The following SORL1 variants were observed in gnomAD, a reference collection of about 807,000 sequenced individuals.
SORL1 encodes sortilin related receptor 1.
In SORL1, 127 loss-of-function variants were observed where a neutral mutation model predicts 273.7. The observed-to-expected ratio is 0.46, with a 90% CI of 0.40 to 0.54. The LOEUF is 0.54. SORL1 is among the 20% of genes least tolerant of loss of function. The probability of loss-of-function intolerance (pLI) is 0.00; values close to 1 mark genes in which losing one functional copy is unlikely to be tolerated. For synonymous variants in SORL1, 1,031 were observed against 1,067.4 expected (o/e 0.97, Z 0.66); for missense variants, 2,494 against 2,846.1 (o/e 0.88, Z 2.81).
intron 23 of SORL1, among the ~76,000 whole-genome samples, chr11:121,570,536 A>G (rs1254271387): frequency 6.6e-6 from 1 of 152,246 alleles, no homozygotes; most frequent in Non-Finnish European, 1.5e-5. Flanking sequence ...TAAACGTCAC[A>G]TGGCTGAAAC....
At chr11:121,460,893 C>T (rs952296874) in intron 1 of SORL1, among the ~76,000 whole-genome samples, 6 of 152,100 alleles carry the variant, frequency 3.9e-5, no homozygotes, top group African/African-American at 1.4e-4. Context: ...CCCCATTTCT[C>T]TATTAGCCCA....
intron 6 of SORL1, 81 bp from the exon 7 acceptor site, chr11:121,512,922 A>T (rs896253991): frequency 1.1e-6 from 1 of 931,032 alleles, no homozygotes; most frequent in Non-Finnish European, 1.7e-6. Flanking sequence ...GAAGAATCTG[A>T]CTCTTCTATT....
Position 121,550,621 on chromosome 11 carries a change from A to T in SORL1, c.2217A>T (p.Gly739=). The part of the protein sequence containing the change: ...RKISGDTCSG[G]DVEARLEGEL... ...TTTCTGGGGACACTTGTAGCGGAGG[A>T]GATGTTGAAGCGCGACTGGAAGGAG... Residue 739 remains glycine, a synonymous_variant, in exon 16 of 48, where the codon GGA becomes GGT. Transcript: ENST00000260197. The surrounding 1 kb of genome is among the most constrained non-coding windows in gnomAD (Gnocchi z 5.3). 1 of 1,614,064 alleles carries T rather than the reference A, an allele frequency of 6.2e-7. No homozygotes were observed. The highest frequency in any genetic ancestry group is 8.5e-7 in the Non-Finnish European group (1 of 1,179,988).
chr11:121,621,246 GGA>G lies in SORL1; in HGVS notation c.6064+14_6064+15del, dbSNP rs774271995. On this transcript the variant is annotated intron_variant, in intron 44 of 47. Transcript: ENST00000260197. Reference sequence around the variant, plus strand: ...GCATAAAAATTACCACAGGTAAGCAGGAGAGAGGTTAGAGGTCTTCTCACACA... The same window carrying G: ...GCATAAAAATTACCACAGGTAAGCAGGAGAGGTTAGAGGTCTTCTCACACA... 6.2e-6 allele frequency: 10 copies of G among 1,613,016 alleles called. No individual in the cohort carries two copies. The African/African-American group carries it at 1.2e-4, about 19-fold the overall frequency.
chr11:121,471,786 G>T (rs1017974981), intron 2 of SORL1, among the ~76,000 whole-genome samples: 5 of 152,182 alleles, frequency 3.3e-5, no homozygotes, highest in Non-Finnish European at 7.3e-5. Flanking sequence ...AGACAGAAGG[G>T]CTGGCTGTCA....
chr11:121,610,901 C>A (rs969603849), intron 38 of SORL1, 175 bp from the exon 39 acceptor site: 3 of 567,786 alleles, frequency 5.3e-6, no homozygotes, highest in African/African-American at 1.9e-5. Context: ...TGTGGACCAA[C>A]CTTAGCTTCA....
In SORL1 at chr11:121,608,110, G is replaced by A; in HGVS notation, c.5173G>A (p.Ala1725Thr). Reference protein sequence around the residue: ...VNTLYTVRVAAVTSRGIGNWS... With the variant: ...VNTLYTVRVATVTSRGIGNWS... ...CACCCTCTGATTTGAAAAGGTGGCTGCGGTGACTAGTCGTGGAATAGGAAA... is the reference window on the plus strand; with the variant it reads ...CACCCTCTGATTTGAAAAGGTGGCTACGGTGACTAGTCGTGGAATAGGAAA... The change falls in exon 38 of 48, where the codon GCG (alanine) becomes ACG (threonine). Residue 1725 changes from alanine to threonine, a missense_variant. Ala to Thr is a moderately conservative substitution (Grantham distance 58). Around this residue, in one of 3 missense-constraint regions of SORL1, gnomAD observed 1,609 missense variants for 1,816.4 expected, o/e 0.89. Transcript: ENST00000260197. 1 of 1,613,688 alleles carries A rather than the reference G, an allele frequency of 6.2e-7. No individual in the cohort carries two copies. Among genetic ancestry groups the A allele is most frequent in the Admixed American group, 1.7e-5 (1 of 60,032 alleles).
rs535522154 is a variant in SORL1 at position 121,590,129 on chromosome 11, A to G, written c.4168A>G (p.Arg1390Gly). ...HCIPNRWKCDRENDCGDWSDE... is the reference protein window; with the variant it reads ...HCIPNRWKCDGENDCGDWSDE... ...CATCCCCAACAGATGGAAATGTGACAGGGAGAACGACTGTGGGGACTGGTC... is the reference window on the plus strand; with the variant it reads ...CATCCCCAACAGATGGAAATGTGACGGGGAGAACGACTGTGGGGACTGGTC... Residue 1390 changes from arginine (R) to glycine (G), a missense_variant, in exon 30 of 48, where the codon AGG becomes GGG. Physicochemically the swap from Arg to Gly is moderately radical, Grantham distance 125. Transcript: ENST00000260197. 81 of 1,614,048 alleles carry G rather than the reference A, an allele frequency of 5.0e-5. No homozygotes were observed. Among genetic ancestry groups the G allele is most frequent in the Non-Finnish European group, 6.8e-5 (80 of 1,180,004 alleles).
rs113564115 is a variant in SORL1, at chr11:121,538,919, C to T, written c.1686-4629C>T. On this transcript the variant is annotated intron_variant, in intron 12 of 47. Coordinates refer to ENST00000260197, the MANE Select transcript of SORL1 (RefSeq NM_003105.6). ...GTCTCGATTTCTTGACCTTGTGACC[C>T]GCCCGCCTCAGCCTCCCAAAGTGCT... 4.7e-3 allele frequency among the ~76,000 whole-genome samples: 721 copies of T among 152,298 alleles called. 7 individuals carry two copies. Among genetic ancestry groups the T allele is most frequent in the African/African-American group, 0.016 (663 of 41,566 alleles).
intron 27 of SORL1, among the ~76,000 whole-genome samples, chr11:121,587,069 A>G (rs1233799977): frequency 6.6e-6 from 1 of 152,216 alleles, no homozygotes; most frequent in Non-Finnish European, 1.5e-5. Flanking sequence ...TACATATTGT[A>G]TATGGCTGCT....
Position 121,550,545 on chromosome 11 carries a change from TC to T in SORL1, c.2181-38del. On this transcript the variant is annotated intron_variant, in intron 15 of 47. Coordinates refer to ENST00000260197, the MANE Select transcript of SORL1 (RefSeq NM_003105.6). The surrounding 1 kb of genome is among the most constrained non-coding windows in gnomAD (Gnocchi z 5.3). ...GCTGGGATGCCTTTGTGGCTATTCT[TC>T]CATGTTTCTGACCTCTTGCTCTTGG... 1.3e-6 allele frequency: 2 copies of T among 1,585,960 alleles called. No individual in the cohort carries two copies. The highest frequency in any genetic ancestry group is 1.7e-6 in the Non-Finnish European group (2 of 1,154,496).
Position 121,627,751 on chromosome 11 carries a change from C to T in SORL1, c.6561C>T (p.Ser2187=). 2 of 1,613,576 alleles carry T rather than the reference C, an allele frequency of 1.2e-6. No homozygotes were observed. Among genetic ancestry groups the T allele is most frequent in the Non-Finnish European group, 1.7e-6 (2 of 1,179,768 alleles). ...CCAGGCTGGGGTCCGCAATCTTCTCCTCTGGGGATGACCTGGGTAAGTGGG... is the reference window on the plus strand; with the variant it reads ...CCAGGCTGGGGTCCGCAATCTTCTCTTCTGGGGATGACCTGGGTAAGTGGG... ...YSSRLGSAIF[S]SGDDLGEDDE... The change falls in exon 47 of 48, where the codon TCC becomes TCT. Residue 2187 remains serine (S), a synonymous_variant. Transcript: ENST00000260197. This position sits in a 1 kb window ranked among gnomAD's most constrained non-coding sequence, Gnocchi z 4.9.
At chr11:121,624,046 T>C (rs1179059890) in intron 45 of SORL1, among the ~76,000 whole-genome samples, 1 of 152,140 alleles carries the variant, frequency 6.6e-6, no homozygotes, top group African/African-American at 2.4e-5. Flanking sequence ...GGAAACTTCT[T>C]ATAAAACCAT....
At position 121,452,328 on chromosome 11, in the gene SORL1, G is replaced by T; in HGVS notation, c.-4G>T. ...GCGCCACCTGCAGTAGCGTTCGCCCGAACATGGCGACACGGAGCAGCAGGA... is the reference window on the plus strand; with the variant it reads ...GCGCCACCTGCAGTAGCGTTCGCCCTAACATGGCGACACGGAGCAGCAGGA... On this transcript the variant is annotated 5_prime_UTR_variant, in exon 1 of 48. Transcript: ENST00000260197. This position sits in a 1 kb window ranked among gnomAD's most constrained non-coding sequence, Gnocchi z 5.3. 1.3e-6 allele frequency: 2 copies of T among 1,533,992 alleles called. No homozygotes were observed. The highest frequency in any genetic ancestry group is 1.7e-6 in the Non-Finnish European group (2 of 1,144,854).
At chr11:121,538,939 A>G (rs1252628477) in intron 12 of SORL1, among the ~76,000 whole-genome samples, 2 of 152,166 alleles carry the variant, frequency 1.3e-5, no homozygotes, top group Non-Finnish European at 2.9e-5. Context: ...AGCCTCCCAA[A>G]GTGCTGGGAT....
chr11:121,601,910 C>G (rs1285774167), intron 32 of SORL1, among the ~76,000 whole-genome samples: 1 of 152,196 alleles, frequency 6.6e-6, no homozygotes, highest in South Asian at 2.1e-4. Flanking sequence ...GGCATAGTCT[C>G]TCCCTGGCAA....
At chr11:121,457,513 TG>T (rs1860927419) in intron 1 of SORL1, among the ~76,000 whole-genome samples, 2 of 152,234 alleles carry the variant, frequency 1.3e-5, no homozygotes, top group South Asian at 4.1e-4. Context: ...CTGTAGTCCC[TG>T]GTATCCTGAA....
chr11:121,592,218 T>C (rs1297402856), intron 31 of SORL1, among the ~76,000 whole-genome samples: 5 of 152,198 alleles, frequency 3.3e-5, no homozygotes, highest in Non-Finnish European at 7.3e-5. Context: ...CTACTTTCCT[T>C]ATCACTGAAA....
At chr11:121,591,234 A>T in intron 31 of SORL1, 78 bp downstream of exon 31, 2 of 1,500,238 alleles carry the variant, frequency 1.3e-6, no homozygotes. Flanking sequence ...TCTGGGCACA[A>T]TCCAACCGGG....
Sources: allele counts gnomAD v4.1 joint callset (sites outside exome capture counted in the v4.1 genomes callset), GRCh38; gene constraint gnomAD v4.1.1; regional missense constraint gnomAD v4.1.1; non-coding constraint Gnocchi (gnomAD v3.1); transcripts MANE v1.5; gene names NCBI Gene and HGNC (gene_info 2026-07-23, HGNC 2026-07-21).